DIP2B: variants seen among roughly 807,000 people sequenced by gnomAD.
DIP2B encodes the protein disco-interacting protein 2 homolog B.
A neutral mutation model predicts 198.0 loss-of-function variants in DIP2B; 76 were observed. The ratio of observed to expected loss-of-function variants is 0.38; its 90% confidence interval spans 0.32 to 0.46. The LOEUF is 0.46. Among genes scored for constraint, DIP2B ranks in the 20% least tolerant of loss-of-function variants. The pLI, the probability that DIP2B is intolerant of heterozygous loss-of-function variation, is 0.99. For missense variants in DIP2B, 1,559 were observed against 1,978.4 expected (o/e 0.79, Z 4.02); for synonymous variants, 701 against 739.1 (o/e 0.95, Z 0.84).
intron 2 of DIP2B, among the ~76,000 whole-genome samples, chr12:50,630,506 C>A (rs1938025054): frequency 6.6e-6 from 1 of 151,714 alleles, no homozygotes; most frequent in South Asian, 2.1e-4. Flanking sequence ...TAAATTGTTT[C>A]TTCTTTCATG....
intron 2 of DIP2B, among the ~76,000 whole-genome samples, chr12:50,629,713 C>G (rs1425246251): frequency 6.6e-6 from 1 of 152,112 alleles, no homozygotes; most frequent in East Asian, 1.9e-4. Context: ...TGCACCCTGC[C>G]TCTACCACCA....
intron 23 of DIP2B, among the ~76,000 whole-genome samples, chr12:50,716,318 G>C (rs1939714003): frequency 6.6e-6 from 1 of 152,020 alleles, no homozygotes; most frequent in South Asian, 2.1e-4. Context: ...TATCTTTTTT[G>C]AGTTTTCTGT....
intron 2 of DIP2B, among the ~76,000 whole-genome samples, chr12:50,633,610 C>A (rs1298436584): frequency 1.3e-5 from 2 of 151,916 alleles, no homozygotes; most frequent in Non-Finnish European, 2.9e-5. Flanking sequence ...ACAAAAAAAT[C>A]AAAAAATTTG....
chr12:50,635,281 C>T (rs993457082), intron 2 of DIP2B, among the ~76,000 whole-genome samples: 4 of 152,166 alleles, frequency 2.6e-5, no homozygotes, highest in Non-Finnish European at 4.4e-5. Context: ...GTGTTTATCT[C>T]CTGCTTCAGA....
Position 50,712,863 on chromosome 12 carries a change from AC to A in DIP2B, c.2650-1531del, listed in dbSNP as rs1370963730. Among the ~76,000 whole-genome samples the A allele has an allele frequency of 3.3e-5, 5 of 152,192 alleles. No homozygotes were observed. In the East Asian group the frequency reaches 7.7e-4, roughly 23 times the overall value. ...GCGGAGGTTGCAGTGAGCTGAGATC[AC>A]GCCATCGGACTCCAGCTTGGGTGAC... is the stretch of plus-strand genomic sequence containing the variant. On this transcript the variant is annotated intron_variant, in intron 22 of 37. Coordinates refer to ENST00000301180, the MANE Select transcript of DIP2B (RefSeq NM_173602.3).
intron 14 of DIP2B, among the ~76,000 whole-genome samples, chr12:50,694,911 A>T (rs937623981): frequency 6.6e-6 from 1 of 152,136 alleles, no homozygotes; most frequent in Non-Finnish European, 1.5e-5. Context: ...GCTTTAGAAC[A>T]ATTTAAATGA....
At chr12:50,681,006 G>A (rs970712588) in intron 9 of DIP2B, among the ~76,000 whole-genome samples, 1 of 151,972 alleles carries the variant, frequency 6.6e-6, no homozygotes, top group Non-Finnish European at 1.5e-5. Flanking sequence ...ATCTCTTTAG[G>A]TGCTAATAAA....
chr12:50,687,161 T>C (rs891641775), intron 12 of DIP2B, among the ~76,000 whole-genome samples: 6 of 152,236 alleles, frequency 3.9e-5, no homozygotes, highest in Admixed American at 3.3e-4. Flanking sequence ...ATCCCATTAA[T>C]GGATTAAGCA....
At chr12:50,630,891 G>A (rs558001864) in intron 2 of DIP2B, among the ~76,000 whole-genome samples, 18 of 151,690 alleles carry the variant, frequency 1.2e-4, no homozygotes, top group Non-Finnish European at 2.1e-4. Context: ...GGCTGGTCTC[G>A]AACTCCTGAC....
chr12:50,623,896 A>G (rs2139466878), intron 1 of DIP2B, among the ~76,000 whole-genome samples: 1 of 152,260 alleles, frequency 6.6e-6, no homozygotes. Context: ...TTCCATGGTG[A>G]CAAAAATGTT....
At chr12:50,717,023 C>T (rs1939737197) in intron 23 of DIP2B, among the ~76,000 whole-genome samples, 1 of 122,168 alleles carries the variant, frequency 8.2e-6, no homozygotes, top group African/African-American at 3.1e-5. Flanking sequence ...AGTACAGTAG[C>T]GTGATCTGGC....
At chr12:50,523,683 G>A (rs1378469857) in intron 1 of DIP2B, among the ~76,000 whole-genome samples, 5 of 152,190 alleles carry the variant, frequency 3.3e-5, no homozygotes, top group Non-Finnish European at 5.9e-5. Flanking sequence ...TGTATTCAAA[G>A]CAGTATGGTA....
chr12:50,584,094 C>G (rs1437113054), intron 1 of DIP2B, among the ~76,000 whole-genome samples: 1 of 152,228 alleles, frequency 6.6e-6, no homozygotes, highest in Non-Finnish European at 1.5e-5. Flanking sequence ...TATTTACACT[C>G]TCTCCCATGT....
At chr12:50,653,378 T>C (rs1320812197) in intron 3 of DIP2B, among the ~76,000 whole-genome samples, 3 of 140,334 alleles carry the variant, frequency 2.1e-5, no homozygotes. Context: ...GAACTCTCTG[T>C]CACCCAGGCT....
chr12:50,675,614 A>G (rs1938933052), intron 7 of DIP2B, among the ~76,000 whole-genome samples, 166 bp downstream of exon 7: 1 of 152,188 alleles, frequency 6.6e-6, no homozygotes, highest in Non-Finnish European at 1.5e-5. Context: ...TGTATTTTAG[A>G]TCTTAGATGA....
rs973416402 is a variant in DIP2B at position 50,511,391 on chromosome 12, A to G, written c.100+6151A>G. 4.4e-5 allele frequency among the ~76,000 whole-genome samples: 6 copies of G among 135,090 alleles called. No individual in the cohort carries two copies. The East Asian group carries it at 1.4e-3, about 32-fold the overall frequency. 88.6% of individuals were successfully genotyped at this position (135,090 alleles called of 152,430 possible). A position where few individuals can be genotyped will look rare whatever the true frequency, so the allele number is the denominator to read the frequency against. ...ACCACAACCCCCGCCTTCCGGGCTC[A>G]AGCGATTCTCCTGCCTCAGCCTCCC... On this transcript the variant is annotated intron_variant, in intron 1 of 37. Coordinates refer to ENST00000301180, the MANE Select transcript of DIP2B (RefSeq NM_173602.3).
chr12:50,698,703 T>C (rs1374187247), intron 18 of DIP2B, among the ~76,000 whole-genome samples: 4 of 152,226 alleles, frequency 2.6e-5, no homozygotes, highest in African/African-American at 9.6e-5. Flanking sequence ...GAAGGCCAAA[T>C]ACTGAGAGAT....
rs888124302 is a variant in DIP2B, at chr12:50,532,227, A to G, written c.100+26987A>G. Among the ~76,000 whole-genome samples the G allele has an allele frequency of 5.3e-5, 8 of 152,010 alleles. No individual in the cohort carries two copies. In the East Asian group the frequency reaches 1.4e-3, roughly 26 times the overall value. On this transcript the variant is annotated intron_variant, in intron 1 of 37. Transcript: ENST00000301180. ...GAGTATTCTCTGAGTTAAAAATAAG[A>G]GTGTTGGCCGGGTGCGGTGGCTCAT...
chr12:50,583,388 C>G (rs142144389), intron 1 of DIP2B, among the ~76,000 whole-genome samples: 7 of 152,112 alleles, frequency 4.6e-5, no homozygotes, highest in African/African-American at 1.7e-4. Flanking sequence ...TCTGAACCCC[C>G]ACCTGTGCTT....
Sources: gnomAD v4.1 joint callset for allele counts (sites outside exome capture counted in the v4.1 genomes callset) on GRCh38, gnomAD v4.1.1 for gene constraint, MANE v1.5 for transcripts, NCBI Gene and HGNC (gene_info 2026-07-23, HGNC 2026-07-21) for gene names.